Variants in FIGN observed in about 807,000 individuals in gnomAD.
The protein encoded by FIGN is fidgetin.
FIGN carries 11 observed loss-of-function variants against 51.3 expected under a neutral mutation model. That is an observed-to-expected ratio of 0.21 (90% CI 0.13 to 0.35). FIGN has a LOEUF of 0.35. FIGN is among the 10% of genes least tolerant of loss of function. The probability of loss-of-function intolerance (pLI) is 1.00; values close to 1 mark genes in which losing one functional copy is unlikely to be tolerated. For synonymous variants in FIGN, 407 were observed against 363.2 expected (o/e 1.12, Z -1.37); for missense variants, 857 against 943.6 (o/e 0.91, Z 1.20).
chr2:163,728,397 AACAC>A (rs60526284), intron 2 of FIGN, among the ~76,000 whole-genome samples: 105,075 of 141,704 alleles, frequency 0.74, 39,368 homozygotes, highest in Non-Finnish European at 0.81. Context: ...CAAACCATTA[AACAC>A]ACACACACAC....
chr2:163,655,038 C>T, intron 2 of FIGN, among the ~76,000 whole-genome samples: 1 of 152,128 alleles, frequency 6.6e-6, no homozygotes, highest in Middle Eastern at 3.4e-3. Flanking sequence ...AAACATTCCC[C>T]GTGTTAAAAA....
At chr2:163,665,311 T>C (rs969726140) in intron 2 of FIGN, among the ~76,000 whole-genome samples, 1 of 152,264 alleles carries the variant, frequency 6.6e-6, no homozygotes, top group Non-Finnish European at 1.5e-5. Flanking sequence ...CCATTCTTCA[T>C]GTAAGAAAGG....
intron 2 of FIGN, among the ~76,000 whole-genome samples, chr2:163,646,959 G>A (rs1026764815): frequency 6.6e-5 from 10 of 152,338 alleles, no homozygotes; most frequent in Non-Finnish European, 1.3e-4. Flanking sequence ...CACTGCCACA[G>A]TTACGGGAGC....
chr2:163,700,869 C>T (rs1285735563), intron 2 of FIGN, among the ~76,000 whole-genome samples: 1 of 152,122 alleles, frequency 6.6e-6, no homozygotes, highest in Non-Finnish European at 1.5e-5. Context: ...AATCAATTAA[C>T]AAGGGCTCTA....
chr2:163,669,881 G>T (rs1037333251), intron 2 of FIGN, among the ~76,000 whole-genome samples: 4 of 152,090 alleles, frequency 2.6e-5, no homozygotes. Flanking sequence ...TAGAACATGG[G>T]TAAGTAGGAT....
In FIGN at chr2:163,609,344, C is replaced by T. The variant is rs901849701; in HGVS notation, c.*208G>A. 5 of 574,872 alleles carry T rather than the reference C, an allele frequency of 8.7e-6. No homozygotes were observed. The highest frequency in any genetic ancestry group is 1.5e-5 in the Non-Finnish European group (5 of 326,880). The allele number at this position is 574,872 out of a possible 1,614,324, so 35.6% of individuals were successfully genotyped here. A position where few individuals can be genotyped will look rare whatever the true frequency, so the allele number is the denominator to read the frequency against. On this transcript the variant is annotated 3_prime_UTR_variant, in exon 3 of 3. Transcript: ENST00000333129. ...AGAACTGAGCATCCACATATGCTTT[C>T]TGTCATCTGGGGCTTTCAAATCAGA... is the stretch of plus-strand genomic sequence containing the variant.
At chr2:163,674,469 G>A (rs961075904) in intron 2 of FIGN, among the ~76,000 whole-genome samples, 1 of 152,282 alleles carries the variant, frequency 6.6e-6, no homozygotes, top group East Asian at 1.9e-4. Flanking sequence ...GATAATTCTG[G>A]TCTAAAGCTG....
chr2:163,646,406 A>G (rs1360627926), intron 2 of FIGN, among the ~76,000 whole-genome samples: 1 of 152,218 alleles, frequency 6.6e-6, no homozygotes, highest in Non-Finnish European at 1.5e-5. Flanking sequence ...TTGAAAACAT[A>G]TGCTGGGGTA....
At chr2:163,618,477 C>CAGAT (rs1157781227) in intron 2 of FIGN, among the ~76,000 whole-genome samples, 3 of 151,174 alleles carry the variant, frequency 2.0e-5, no homozygotes, top group South Asian at 4.2e-4. Context: ...AAATATAGTT[C>CAGAT]AGATACCTCA....
chr2:163,679,299 G>A (rs551414528), intron 2 of FIGN, among the ~76,000 whole-genome samples: 5 of 151,940 alleles, frequency 3.3e-5, no homozygotes, highest in East Asian at 3.9e-4. Flanking sequence ...CAAGACCATC[G>A]TGGGTAACAT....
intron 2 of FIGN, among the ~76,000 whole-genome samples, chr2:163,646,816 G>C (rs1683389968): frequency 6.6e-6 from 1 of 152,198 alleles, no homozygotes; most frequent in Non-Finnish European, 1.5e-5. Flanking sequence ...CCATTTGAGA[G>C]CACTCAGATA....
At chr2:163,724,857 C>G (rs563704370) in intron 2 of FIGN, among the ~76,000 whole-genome samples, 27 of 152,026 alleles carry the variant, frequency 1.8e-4, no homozygotes, top group Admixed American at 8.5e-4. Context: ...CGAAAAGATA[C>G]GGAGAATATA....
At chr2:163,724,288 C>A (rs1684805234) in intron 2 of FIGN, among the ~76,000 whole-genome samples, 1 of 152,290 alleles carries the variant, frequency 6.6e-6, no homozygotes, top group Non-Finnish European at 1.5e-5. Flanking sequence ...TGTTGAACTT[C>A]AGCCGGATGA....
At chr2:163,669,125 C>A (rs1054103487) in intron 2 of FIGN, among the ~76,000 whole-genome samples, 14 of 151,496 alleles carry the variant, frequency 9.2e-5, no homozygotes, top group Admixed American at 3.3e-4. Context: ...TATATTTTCT[C>A]AACTGAAAAA....
At chr2:163,658,620 G>A (rs1683601710) in intron 2 of FIGN, among the ~76,000 whole-genome samples, 1 of 152,118 alleles carries the variant, frequency 6.6e-6, no homozygotes, top group Admixed American at 6.6e-5. Flanking sequence ...GAGGGAGCTA[G>A]AGAGAGCAAA....
chr2:163,625,010 C>T (rs1376333722), intron 2 of FIGN, among the ~76,000 whole-genome samples: 1 of 151,812 alleles, frequency 6.6e-6, no homozygotes, highest in Non-Finnish European at 1.5e-5. Context: ...TTTAAATATA[C>T]TTGGAAATAC....
chr2:163,686,999 G>A (rs1684161622), intron 2 of FIGN, among the ~76,000 whole-genome samples: 2 of 148,674 alleles, frequency 1.3e-5, no homozygotes, highest in Admixed American at 6.7e-5. Flanking sequence ...TATGATGTAT[G>A]TGTGAGATTG....
At chr2:163,633,771 T>G (rs1683184967) in intron 2 of FIGN, among the ~76,000 whole-genome samples, 1 of 152,190 alleles carries the variant, frequency 6.6e-6, no homozygotes, top group Non-Finnish European at 1.5e-5. Flanking sequence ...CTCCTAAGTC[T>G]CAACCTCTGG....
At chr2:163,661,662 T>C (rs889346212) in intron 2 of FIGN, among the ~76,000 whole-genome samples, 3 of 152,098 alleles carry the variant, frequency 2.0e-5, no homozygotes, top group African/African-American at 4.8e-5. Flanking sequence ...AGAATTCCCA[T>C]GTGTTGTGGG....
Sources: allele counts gnomAD v4.1 joint callset (sites outside exome capture counted in the v4.1 genomes callset), GRCh38; gene constraint gnomAD v4.1.1; transcripts MANE v1.5; gene names NCBI Gene and HGNC (gene_info 2026-07-23, HGNC 2026-07-21).